The following MACROD2 variants were observed in gnomAD, a reference collection of about 807,000 sequenced individuals.
The protein encoded by MACROD2 is ADP-ribose glycohydrolase MACROD2.
Under a neutral mutation model 70.4 loss-of-function variants are expected in MACROD2, and 36 were observed. That is an observed-to-expected ratio of 0.51 (90% CI 0.39 to 0.68). The LOEUF is 0.68. Among genes scored for constraint, MACROD2 ranks in the 30% least tolerant of loss-of-function variants. The probability of loss-of-function intolerance (pLI) is 0.00; values close to 1 mark genes in which losing one functional copy is unlikely to be tolerated. For synonymous variants in MACROD2, 172 were observed against 178.8 expected (o/e 0.96, Z 0.30); for missense variants, 496 against 538.4 (o/e 0.92, Z 0.78).
chr20:15,136,124 TG>T (rs1881528140), intron 5 of MACROD2, among the ~76,000 whole-genome samples: 1 of 150,872 alleles, frequency 6.6e-6, no homozygotes, highest in African/African-American at 2.4e-5. Context: ...ATCGTGAAAA[TG>T]GCCATACTGC....
In MACROD2 at chr20:15,511,330, T is replaced by C. The variant is rs143495647; in HGVS notation, c.645+11483T>C. ...CTTCCAATCGGTCCAAATTTTCACA[T>C]GTTCCTTAGCTTCTTTCTGCATTGA... On this transcript the variant is annotated intron_variant, in intron 8 of 17. Coordinates refer to ENST00000684519, the MANE Select transcript of MACROD2 (RefSeq NM_001351661.2). Among the ~76,000 whole-genome samples, 73 of 152,360 alleles carry C rather than the reference T, an allele frequency of 4.8e-4. No individual in the cohort carries two copies. In the East Asian group the frequency reaches 0.014, roughly 29 times the overall value.
intron 5 of MACROD2, among the ~76,000 whole-genome samples, chr20:14,745,387 A>G (rs190571404): frequency 1.3e-5 from 2 of 152,282 alleles, no homozygotes; most frequent in African/African-American, 4.8e-5. Context: ...GCCACCTAAC[A>G]TGTTTTAATG....
intron 3 of MACROD2, among the ~76,000 whole-genome samples, chr20:14,166,271 A>T (rs1334949495): frequency 6.6e-6 from 1 of 152,058 alleles, no homozygotes; most frequent in Non-Finnish European, 1.5e-5. Flanking sequence ...GGTAGAATAA[A>T]ATTTTTCTAG....
At chr20:15,394,472 G>A (rs1310977967) in intron 6 of MACROD2, among the ~76,000 whole-genome samples, 1 of 152,126 alleles carries the variant, frequency 6.6e-6, no homozygotes, top group African/African-American at 2.4e-5. Context: ...ACCAACAAAA[G>A]GGCACAATGT....
At chr20:14,366,730 A>G (rs1335967855) in intron 3 of MACROD2, among the ~76,000 whole-genome samples, 2 of 152,208 alleles carry the variant, frequency 1.3e-5, no homozygotes, top group East Asian at 1.9e-4. Context: ...TCTTTTAGAT[A>G]TGACTTACAT....
At chr20:14,264,761 G>T (rs1323965468) in intron 3 of MACROD2, among the ~76,000 whole-genome samples, 2 of 152,208 alleles carry the variant, frequency 1.3e-5, no homozygotes, top group African/African-American at 4.8e-5. Flanking sequence ...AGGCTTAGAA[G>T]TGTTCTGGAA....
At chr20:15,659,595 A>C (rs456022) in intron 8 of MACROD2, among the ~76,000 whole-genome samples, 1 of 151,632 alleles carries the variant, frequency 6.6e-6, no homozygotes, top group Non-Finnish European at 1.5e-5. Context: ...GTCTGGAGAT[A>C]TTTTTGTTTT....
intron 3 of MACROD2, among the ~76,000 whole-genome samples, chr20:14,096,234 A>C (rs1026158657): frequency 6.6e-6 from 1 of 152,132 alleles, no homozygotes; most frequent in Non-Finnish European, 1.5e-5. Flanking sequence ...TGTATAAAGT[A>C]TGTATCGAGT....
intron 5 of MACROD2, among the ~76,000 whole-genome samples, chr20:15,016,756 C>T (rs567851057): frequency 1.4e-4 from 22 of 152,070 alleles, no homozygotes; most frequent in Non-Finnish European, 2.8e-4. Flanking sequence ...GGAGGCAAAA[C>T]GCTTGTCTTA....
chr20:14,138,235 G>A (rs150230074), intron 3 of MACROD2, among the ~76,000 whole-genome samples: 2 of 152,240 alleles, frequency 1.3e-5, no homozygotes, highest in African/African-American at 4.8e-5. Context: ...ACTCCTATAT[G>A]ATCCAGCAAT....
chr20:15,516,095 C>T (rs1175323051), intron 8 of MACROD2, among the ~76,000 whole-genome samples: 1 of 152,188 alleles, frequency 6.6e-6, no homozygotes, highest in Admixed American at 6.5e-5. Flanking sequence ...TTTTAAACAC[C>T]AGACAACCTT....
chr20:14,709,669 A>G (rs567013652), intron 5 of MACROD2, among the ~76,000 whole-genome samples: 8 of 152,358 alleles, frequency 5.3e-5, no homozygotes, highest in Admixed American at 5.2e-4. Context: ...ATAAAACTGA[A>G]AAATCATGCC....
At chr20:14,783,111 C>T (rs2072322207) in intron 5 of MACROD2, among the ~76,000 whole-genome samples, 1 of 152,286 alleles carries the variant, frequency 6.6e-6, no homozygotes, top group African/African-American at 2.4e-5. Context: ...TGATTCAACA[C>T]TACTACTTTT....
At chr20:15,569,920 G>A (rs1262089658) in intron 8 of MACROD2, among the ~76,000 whole-genome samples, 1 of 151,892 alleles carries the variant, frequency 6.6e-6, no homozygotes, top group Non-Finnish European at 1.5e-5. Flanking sequence ...CCATATCTTG[G>A]GTATAGTGAA....
chr20:15,237,131 A>G (rs1012995023), intron 6 of MACROD2, among the ~76,000 whole-genome samples: 1 of 152,224 alleles, frequency 6.6e-6, no homozygotes, highest in Non-Finnish European at 1.5e-5. Context: ...GTTTTGCCAG[A>G]CAGTCATATA....
rs1348892168 is a variant in MACROD2 at position 14,882,489 on chromosome 20, C to T, written c.418+197530C>T. 8.5e-5 allele frequency among the ~76,000 whole-genome samples: 13 copies of T among 152,270 alleles called. No homozygotes were observed. In the East Asian group the frequency reaches 2.5e-3, roughly 29 times the overall value. ...GAATAGCTGAATACTCAGTTTGTGA[C>T]ACACAAAAACCCTAAAATAACTATC... On this transcript the variant is annotated intron_variant, in intron 5 of 17. Coordinates refer to ENST00000684519, the MANE Select transcript of MACROD2 (RefSeq NM_001351661.2).
chr20:14,919,486 A>C (rs544910946), intron 5 of MACROD2, among the ~76,000 whole-genome samples: 1 of 152,340 alleles, frequency 6.6e-6, no homozygotes, highest in Admixed American at 6.5e-5. Flanking sequence ...TCTATCTGCT[A>C]CTTTGAAAAG....
At chr20:14,787,522 C>T (rs2072389861) in intron 5 of MACROD2, among the ~76,000 whole-genome samples, 1 of 152,016 alleles carries the variant, frequency 6.6e-6, no homozygotes, top group East Asian at 1.9e-4. Context: ...AGTCTTGGCC[C>T]CTTTCATCTG....
chr20:15,233,094 A>G (rs1036376540), intron 6 of MACROD2, among the ~76,000 whole-genome samples: 1 of 151,874 alleles, frequency 6.6e-6, no homozygotes, highest in African/African-American at 2.4e-5. Context: ...GTGTGATTTG[A>G]GAATACTCTG....
Sources: gnomAD v4.1 joint callset for allele counts (sites outside exome capture counted in the v4.1 genomes callset) on GRCh38, gnomAD v4.1.1 for gene constraint, MANE v1.5 for transcripts, NCBI Gene and HGNC (gene_info 2026-07-23, HGNC 2026-07-21) for gene names.